PRKG1: variants seen among roughly 807,000 people sequenced by gnomAD.
The protein encoded by PRKG1 is cGMP-dependent protein kinase 1.
Under a neutral mutation model 88.1 loss-of-function variants are expected in PRKG1, and 35 were observed. The ratio of observed to expected loss-of-function variants is 0.40; its 90% confidence interval spans 0.30 to 0.53. The LOEUF (loss-of-function observed/expected upper bound fraction) is 0.53. Ranked by LOEUF, PRKG1 falls within the 20% of genes least tolerant of loss-of-function variation. PRKG1 has a pLI of 0.59. For missense variants in PRKG1, 540 were observed against 839.8 expected, an observed-to-expected ratio of 0.64 and a Z score of 4.41; for synonymous variants, 303 against 292.5, an observed-to-expected ratio of 1.04 and a Z score of -0.37.
chr10:52,239,345 T>TTA (rs1554820402), intron 9 of PRKG1, among the ~76,000 whole-genome samples: 2 of 139,694 alleles, frequency 1.4e-5, no homozygotes, highest in Admixed American at 7.2e-5. Flanking sequence ...TAAATAAAAT[T>TTA]AAAAAAAAAA....
At chr10:51,805,031 G>A (rs1204956562) in intron 4 of PRKG1, among the ~76,000 whole-genome samples, 1 of 151,964 alleles carries the variant, frequency 6.6e-6, no homozygotes, top group Non-Finnish European at 1.5e-5. Context: ...GAACAAAAAA[G>A]GATATTGAAT....
chr10:51,350,358 G>GTT (rs1268589707), intron 2 of PRKG1, among the ~76,000 whole-genome samples: 3 of 152,176 alleles, frequency 2.0e-5, no homozygotes, highest in Non-Finnish European at 4.4e-5. Context: ...GGGGAGTCAG[G>GTT]TAGATGGGTT....
chr10:51,052,128 A>G (rs2132770228), intron 1 of PRKG1, among the ~76,000 whole-genome samples: 1 of 152,298 alleles, frequency 6.6e-6, no homozygotes, highest in Non-Finnish European at 1.5e-5. Flanking sequence ...ATTTTGTAAA[A>G]TTTTATTGTT....
intron 4 of PRKG1, among the ~76,000 whole-genome samples, chr10:51,881,211 G>A (rs1245697811): frequency 6.6e-6 from 1 of 152,056 alleles, no homozygotes; most frequent in Non-Finnish European, 1.5e-5. Flanking sequence ...GACATCAACG[G>A]GAAGATCATA....
At chr10:51,893,046 C>T (rs1486582550) in intron 4 of PRKG1, among the ~76,000 whole-genome samples, 2 of 152,060 alleles carry the variant, frequency 1.3e-5, no homozygotes, top group Non-Finnish European at 2.9e-5. Context: ...AGATCAGGTG[C>T]AGTGTGATCT....
chr10:51,085,148 T>C (rs1461056666), intron 1 of PRKG1, among the ~76,000 whole-genome samples: 1 of 152,194 alleles, frequency 6.6e-6, no homozygotes, highest in Non-Finnish European at 1.5e-5. Flanking sequence ...GGGTTGGTCA[T>C]AAGCTACCAT....
intron 9 of PRKG1, among the ~76,000 whole-genome samples, chr10:52,216,431 A>G (rs1438634894): frequency 6.6e-6 from 1 of 152,216 alleles, no homozygotes; most frequent in Non-Finnish European, 1.5e-5. Context: ...AAATCAAATC[A>G]CACTGGCAGA....
upstream of PRKG1, among the ~76,000 whole-genome samples, chr10:51,069,924 C>G (rs189804421): frequency 1.3e-5 from 2 of 152,134 alleles, no homozygotes; most frequent in Admixed American, 1.3e-4. Flanking sequence ...TACCCTGAGC[C>G]AGAATGTAAT....
At chr10:51,232,875 A>G (rs1361447385) in intron 2 of PRKG1, among the ~76,000 whole-genome samples, 1 of 152,196 alleles carries the variant, frequency 6.6e-6, no homozygotes, top group African/African-American at 2.4e-5. Context: ...TTCCATTTCT[A>G]GCTATGATTA....
intron 5 of PRKG1, among the ~76,000 whole-genome samples, chr10:52,041,050 G>A (rs905849504): frequency 2.0e-5 from 3 of 151,798 alleles, no homozygotes; most frequent in African/African-American, 2.4e-5. Flanking sequence ...TGTTGGCCAG[G>A]CTAGTTTTGA....
intron 10 of PRKG1, 82 bp from the exon 11 acceptor site, chr10:52,271,268 C>T (rs189869635): frequency 6.9e-7 from 1 of 1,439,638 alleles, no homozygotes; most frequent in African/African-American, 1.4e-5. Flanking sequence ...TTAAGTGCGC[C>T]ATGTACCTGT....
chr10:52,134,858 G>A (rs1421840055), intron 8 of PRKG1, among the ~76,000 whole-genome samples: 4 of 152,040 alleles, frequency 2.6e-5, no homozygotes. Flanking sequence ...TGGATCACTA[G>A]AACCAGAGCA....
chr10:51,763,458 G>A (rs372442400), intron 3 of PRKG1, among the ~76,000 whole-genome samples: 37 of 152,092 alleles, frequency 2.4e-4, no homozygotes, highest in African/African-American at 8.4e-4. Context: ...TTGCTACGTT[G>A]TCTAAGCTGG....
chr10:51,613,481 A>T (rs1213944315), intron 3 of PRKG1, among the ~76,000 whole-genome samples: 1 of 151,038 alleles, frequency 6.6e-6, no homozygotes, highest in Non-Finnish European at 1.5e-5. Flanking sequence ...CATTTTATTG[A>T]TTCTTTGTAA....
At chr10:51,300,590 T>C (rs1298113259) in intron 2 of PRKG1, among the ~76,000 whole-genome samples, 1 of 152,226 alleles carries the variant, frequency 6.6e-6, no homozygotes, top group African/African-American at 2.4e-5. Context: ...TTGCAGCAAA[T>C]ACAAATTTAG....
In PRKG1 at chr10:51,874,071, A is replaced by G. The variant is rs575818090; in HGVS notation, c.699-33436A>G. ...GCCCATAGCCAGTGTATGGAAAATT[A>G]TTTGAGCCAAATTTAACAGCAACCT... is the stretch of plus-strand genomic sequence containing the variant. On this transcript the variant is annotated intron_variant, in intron 4 of 17. Coordinates refer to ENST00000373980, the MANE Select transcript of PRKG1 (RefSeq NM_006258.4). 3.9e-5 allele frequency among the ~76,000 whole-genome samples: 6 copies of G among 152,330 alleles called. No homozygotes were observed. In the South Asian group the frequency reaches 8.3e-4, roughly 21 times the overall value.
chr10:51,862,077 C>G (rs1217144921), intron 4 of PRKG1, among the ~76,000 whole-genome samples: 1 of 152,152 alleles, frequency 6.6e-6, no homozygotes, highest in Non-Finnish European at 1.5e-5. Context: ...CTAGGGAGTC[C>G]CAAGGTTTGA....
chr10:51,024,756 G>A (rs1412645305), intron 1 of PRKG1, among the ~76,000 whole-genome samples: 1 of 152,132 alleles, frequency 6.6e-6, no homozygotes, highest in Admixed American at 6.5e-5. Context: ...AGAGCAGGAG[G>A]AAGAGAGGGA....
At chr10:51,936,490 G>T (rs1167094556) in intron 5 of PRKG1, among the ~76,000 whole-genome samples, 1 of 151,826 alleles carries the variant, frequency 6.6e-6, no homozygotes, top group Non-Finnish European at 1.5e-5. Flanking sequence ...TTCGACAAGG[G>T]GCTAACTGGA....
Sources: gnomAD v4.1 joint callset for allele counts (sites outside exome capture counted in the v4.1 genomes callset) on GRCh38, gnomAD v4.1.1 for gene constraint, MANE v1.5 for transcripts, NCBI Gene and HGNC (gene_info 2026-07-23, HGNC 2026-07-21) for gene names.